Variants in GPC6 observed in about 807,000 individuals in gnomAD.
GPC6 encodes glypican 6, also known as glypican-6.
Under a neutral mutation model 55.2 loss-of-function variants are expected in GPC6, and 14 were observed. The observed-to-expected ratio is 0.25, with a 90% CI of 0.17 to 0.40. The LOEUF is 0.40. Ranked by LOEUF, GPC6 falls within the 10% of genes least tolerant of loss-of-function variation. GPC6 has a pLI of 1.00. For synonymous variants in GPC6, 278 were observed against 259.6 expected (o/e 1.07, Z -0.68); for missense variants, 641 against 708.5 (o/e 0.90, Z 1.08).
chr13:93,257,999 CT>C (rs1489002632), intron 1 of GPC6, among the ~76,000 whole-genome samples: 2 of 152,066 alleles, frequency 1.3e-5, no homozygotes, highest in Non-Finnish European at 2.9e-5. Flanking sequence ...CAAGTGATAG[CT>C]TATTAGTTTG....
chr13:93,676,314 G>C (rs1881631725), intron 2 of GPC6, among the ~76,000 whole-genome samples: 1 of 151,366 alleles, frequency 6.6e-6, no homozygotes, highest in Non-Finnish European at 1.5e-5. Context: ...CTACTCAGGA[G>C]TCTGAGGCAG....
At chr13:93,889,562 G>T (rs984036917) in intron 3 of GPC6, among the ~76,000 whole-genome samples, 11 of 152,210 alleles carry the variant, frequency 7.2e-5, no homozygotes, top group African/African-American at 2.6e-4. Context: ...CCCATTTATA[G>T]CATGTACTAG....
chr13:93,509,587 T>A (rs1261685405), intron 1 of GPC6, among the ~76,000 whole-genome samples: 1 of 152,210 alleles, frequency 6.6e-6, no homozygotes, highest in Non-Finnish European at 1.5e-5. Context: ...TTCATAATGA[T>A]GATTATTTTC....
chr13:94,271,382 G>GCGCGCGCACACA (rs1491286473), intron 4 of GPC6, among the ~76,000 whole-genome samples: 1 of 126,684 alleles, frequency 7.9e-6, no homozygotes, highest in African/African-American at 3.0e-5. Context: ...GCGCGCGCGC[G>GCGCGCGCACACA]CACACACACA....
chr13:94,325,312 AG>A (rs907882735), intron 6 of GPC6, among the ~76,000 whole-genome samples: 1 of 152,160 alleles, frequency 6.6e-6, no homozygotes, highest in African/African-American at 2.4e-5. Flanking sequence ...GCTCACTCCA[AG>A]GGGAGTAAAG....
intron 4 of GPC6, among the ~76,000 whole-genome samples, chr13:94,231,693 G>C (rs935189350): frequency 2.0e-5 from 3 of 152,134 alleles, no homozygotes; most frequent in Non-Finnish European, 4.4e-5. Flanking sequence ...AAGCTAAGCA[G>C]AGTGATAGCA....
chr13:93,949,576 A>G (rs534842330), intron 3 of GPC6, among the ~76,000 whole-genome samples: 17 of 152,356 alleles, frequency 1.1e-4, no homozygotes, highest in Admixed American at 8.5e-4. Flanking sequence ...TGACTTAATC[A>G]TTAGTCACAG....
At chr13:93,486,624 C>T (rs1337192227) in intron 1 of GPC6, among the ~76,000 whole-genome samples, 4 of 152,212 alleles carry the variant, frequency 2.6e-5, no homozygotes, top group Non-Finnish European at 5.9e-5. Flanking sequence ...TGCTCTTTTC[C>T]AAAACAAATC....
intron 3 of GPC6, among the ~76,000 whole-genome samples, chr13:93,855,828 A>G (rs1375922289): frequency 2.6e-5 from 4 of 151,556 alleles, no homozygotes; most frequent in African/African-American, 9.7e-5. Flanking sequence ...TGCCATTTGT[A>G]TGCCATTTGT....
intron 4 of GPC6, among the ~76,000 whole-genome samples, chr13:94,118,314 C>T (rs1886505396): frequency 6.6e-6 from 1 of 152,056 alleles, no homozygotes; most frequent in South Asian, 2.1e-4. Flanking sequence ...GTTCTCTCTC[C>T]TGCTGCCATA....
chr13:94,327,100 A>C (rs891179279), intron 6 of GPC6, among the ~76,000 whole-genome samples: 2 of 152,234 alleles, frequency 1.3e-5, no homozygotes, highest in African/African-American at 4.8e-5. Context: ...CCATATTCCA[A>C]GGCATAGAAA....
intron 3 of GPC6, among the ~76,000 whole-genome samples, chr13:93,987,004 G>T (rs1223784573): frequency 2.0e-5 from 3 of 152,058 alleles, no homozygotes; most frequent in Non-Finnish European, 4.4e-5. Flanking sequence ...GAGAAACTGG[G>T]TATCATTGTG....
chr13:93,605,079 T>C (rs78022576), intron 2 of GPC6, among the ~76,000 whole-genome samples: 2,842 of 152,256 alleles, frequency 0.019, 89 homozygotes, highest in African/African-American at 0.065. Flanking sequence ...TTGCTGTTGT[T>C]TTCATGCATT....
chr13:93,563,578 A>C (rs1181511175), intron 2 of GPC6, among the ~76,000 whole-genome samples: 1 of 152,092 alleles, frequency 6.6e-6, no homozygotes, highest in Non-Finnish European at 1.5e-5. Context: ...AACATATATG[A>C]AGATGAGATC....
intron 1 of GPC6, among the ~76,000 whole-genome samples, chr13:93,369,574 T>A (rs1881378718): frequency 6.6e-6 from 1 of 152,154 alleles, no homozygotes; most frequent in South Asian, 2.1e-4. Context: ...AGTCACAGCA[T>A]GTAAGGCTAT....
intron 4 of GPC6, among the ~76,000 whole-genome samples, chr13:94,125,531 ACT>A (rs1046121426): frequency 2.6e-5 from 4 of 152,090 alleles, no homozygotes; most frequent in African/African-American, 7.2e-5. Context: ...ATTTTGAAAA[ACT>A]CTCTCTTTCT....
intron 1 of GPC6, among the ~76,000 whole-genome samples, chr13:93,514,777 G>A (rs1881119645): frequency 6.6e-6 from 1 of 152,122 alleles, no homozygotes; most frequent in Non-Finnish European, 1.5e-5. Context: ...GAGTTAGCCT[G>A]AATTATTGAG....
chr13:93,581,573 G>T (rs1876937725), intron 2 of GPC6, among the ~76,000 whole-genome samples: 1 of 152,108 alleles, frequency 6.6e-6, no homozygotes, highest in Non-Finnish European at 1.5e-5. Flanking sequence ...TATGCATGGT[G>T]GTGCACTCCT....
chr13:94,009,547 T>G (rs1480518035), intron 3 of GPC6, among the ~76,000 whole-genome samples: 1 of 152,110 alleles, frequency 6.6e-6, no homozygotes, highest in Non-Finnish European at 1.5e-5. Flanking sequence ...GGCAGTGAAA[T>G]AGATGACCTT....
Sources: gnomAD v4.1 joint callset for allele counts (sites outside exome capture counted in the v4.1 genomes callset) on GRCh38, gnomAD v4.1.1 for gene constraint, MANE v1.5 for transcripts, NCBI Gene and HGNC (gene_info 2026-07-23, HGNC 2026-07-21) for gene names.